The following PDE6C variants were observed in gnomAD, a reference collection of about 807,000 sequenced individuals.
PDE6C encodes phosphodiesterase 6C, also known as cone cGMP-specific 3',5'-cyclic phosphodiesterase subunit alpha'.
PDE6C carries 75 observed loss-of-function variants against 113.1 expected under a neutral mutation model. That is an observed-to-expected ratio of 0.66 (90% CI 0.55 to 0.80). The LOEUF (loss-of-function observed/expected upper bound fraction) is 0.80. Among genes scored for constraint, PDE6C ranks in the 30% least tolerant of loss-of-function variants. PDE6C has a pLI of 0.00. For missense variants in PDE6C, 912 were observed against 1,038.6 expected, an observed-to-expected ratio of 0.88 and a Z score of 1.67; for synonymous variants, 375 against 363.7, an observed-to-expected ratio of 1.03 and a Z score of -0.35.
intron 1 of PDE6C, among the ~76,000 whole-genome samples, chr10:93,617,756 G>A (rs1013987999): frequency 6.6e-6 from 1 of 152,134 alleles, no homozygotes; most frequent in East Asian, 1.9e-4. Context: ...CCTGGGCAAC[G>A]AGAGCAAAAC....
chr10:93,643,685 G>A (rs1425452476), intron 14 of PDE6C, among the ~76,000 whole-genome samples: 2 of 144,280 alleles, frequency 1.4e-5, no homozygotes, highest in Admixed American at 1.5e-4. Flanking sequence ...GCTACTGTAT[G>A]TGGCCAACTA....
intron 13 of PDE6C, 44 bp downstream of exon 13, chr10:93,640,601 C>A: frequency 1.6e-6 from 2 of 1,287,864 alleles, no homozygotes; most frequent in Non-Finnish European, 2.3e-6. Flanking sequence ...TGCAGATTTC[C>A]CATTTGAGCA....
intron 15 of PDE6C, among the ~76,000 whole-genome samples, chr10:93,651,316 C>T (rs920488430): frequency 7.9e-5 from 12 of 152,172 alleles, no homozygotes; most frequent in African/African-American, 2.7e-4. Context: ...AAAGCTACTA[C>T]CTGAGACTGG....
Position 93,665,432 on chromosome 10 carries a change from G to A in PDE6C, c.*14G>A, listed in dbSNP as rs748922976. On this transcript the variant is annotated 3_prime_UTR_variant, in exon 22 of 22. Coordinates refer to ENST00000371447, the MANE Select transcript of PDE6C (RefSeq NM_006204.4). ...TTAATGTTGTAATATTATCTAACTG[G>A]TCTAAACTTCAAATATCATTTTACC... 29 of 1,508,008 alleles carry A rather than the reference G, an allele frequency of 1.9e-5. No individual in the cohort carries two copies. The highest frequency in any genetic ancestry group is 2.6e-5 in the Non-Finnish European group (28 of 1,083,660). The allele number at this position is 1,508,008 out of a possible 1,614,324, so 93.4% of individuals were successfully genotyped here.
chr10:93,628,779 T>C (rs986138081), intron 7 of PDE6C, among the ~76,000 whole-genome samples: 1 of 152,160 alleles, frequency 6.6e-6, no homozygotes, highest in Non-Finnish European at 1.5e-5. Flanking sequence ...TAAAGTGATA[T>C]CTCTCACTGA....
intron 15 of PDE6C, 110 bp from the exon 16 acceptor site, chr10:93,655,648 AAC>A: frequency 1.5e-6 from 1 of 658,850 alleles, no homozygotes; most frequent in Admixed American, 2.4e-5. Context: ...ACAAAAAAAA[AAC>A]AAACAAAAAA....
chr10:93,644,156 A>G (rs1470593670), intron 14 of PDE6C, among the ~76,000 whole-genome samples: 2 of 152,192 alleles, frequency 1.3e-5, no homozygotes, highest in Non-Finnish European at 2.9e-5. Flanking sequence ...TACATAGATG[A>G]TGCTGTGTCC....
chr10:93,624,032 C>T (rs1390961258), intron 4 of PDE6C, among the ~76,000 whole-genome samples: 1 of 151,826 alleles, frequency 6.6e-6, no homozygotes, highest in East Asian at 1.9e-4. Context: ...ACTATATGTA[C>T]ATAGTGTCTA....
intron 3 of PDE6C, 60 bp downstream of exon 3, chr10:93,621,040 G>A: frequency 7.1e-7 from 1 of 1,401,946 alleles, no homozygotes; most frequent in South Asian, 1.2e-5. Flanking sequence ...GCCGCCCAGA[G>A]ACAACAAATT....
rs541589692 is a variant in PDE6C at position 93,645,840 on chromosome 10, C to T, written c.1848-120C>T. On this transcript the variant is annotated intron_variant, in intron 14 of 21. Transcript: ENST00000371447. ...ATCTTTTCCAATATGTTATTTTTGA[C>T]CACTTCACAGATAATTGAGTGAGGA... 53 of 690,414 alleles carry T rather than the reference C, an allele frequency of 7.7e-5. 1 individual carries two copies. Among genetic ancestry groups the T allele is most frequent in the East Asian group, 2.4e-4 (9 of 36,930 alleles). The allele number at this position is 690,414 out of a possible 1,614,324, so 42.8% of individuals were successfully genotyped here. A position where few individuals can be genotyped will look rare whatever the true frequency, so the allele number is the denominator to read the frequency against.
intron 21 of PDE6C, among the ~76,000 whole-genome samples, chr10:93,665,155 C>A (rs2058684529): frequency 6.6e-6 from 1 of 152,202 alleles, no homozygotes; most frequent in South Asian, 2.1e-4. Flanking sequence ...AGGCAGGAGC[C>A]ACTGCACCTA....
chr10:93,629,220 A>C, intron 7 of PDE6C, 38 bp from the exon 8 acceptor site: 4 of 1,535,070 alleles, frequency 2.6e-6, no homozygotes, highest in Non-Finnish European at 3.6e-6. Flanking sequence ...GCTCCACTAC[A>C]CAATATTTCA....
chr10:93,640,399 C>A (rs770858105), intron 12 of PDE6C, 51 bp from the exon 13 acceptor site: 5 of 1,441,634 alleles, frequency 3.5e-6, no homozygotes, highest in South Asian at 3.4e-5. Context: ...CACAGACCTT[C>A]TAACCTTTAG....
In PDE6C at chr10:93,633,490, A is replaced by AAAAAAAT. The variant is rs71485913; in HGVS notation, c.1120-1268_1120-1267insAAAAAAT. 7.0e-4 allele frequency among the ~76,000 whole-genome samples: 91 copies of AAAAAAAT among 129,406 alleles called. 3 individuals carry two copies. Among genetic ancestry groups the AAAAAAAT allele is most frequent in the African/African-American group, 1.9e-3 (70 of 37,090 alleles). 84.9% of individuals were successfully genotyped at this position (129,406 alleles called of 152,430 possible). ...CAAAAAAAAAAAAAAATAAAAAAAA[A>AAAAAAAT]TAAACAAGCTAAAACAAATCTGTTA... is the stretch of plus-strand genomic sequence containing the variant. On this transcript the variant is annotated intron_variant, in intron 8 of 21. Coordinates refer to ENST00000371447, the MANE Select transcript of PDE6C (RefSeq NM_006204.4).
intron 14 of PDE6C, among the ~76,000 whole-genome samples, chr10:93,644,935 A>ATACACTATATCGAT (rs1281291220): frequency 6.7e-6 from 1 of 148,772 alleles, no homozygotes; most frequent in Non-Finnish European, 1.5e-5. Context: ...GTATATATAT[A>ATACACTATATCGAT]ATGGAATATT....
intron 18 of PDE6C, among the ~76,000 whole-genome samples, chr10:93,661,509 T>C (rs1033848105): frequency 6.6e-6 from 1 of 152,218 alleles, no homozygotes; most frequent in Non-Finnish European, 1.5e-5. Flanking sequence ...TCTGAACATT[T>C]TAAAGAAAAA....
chr10:93,651,704 C>T (rs1056931608), intron 15 of PDE6C, among the ~76,000 whole-genome samples: 11 of 152,222 alleles, frequency 7.2e-5, no homozygotes, highest in Admixed American at 3.9e-4. Flanking sequence ...GCCCATGAAG[C>T]TCCAGGCCTT....
chr10:93,615,877 A>G (rs2058417305), intron 1 of PDE6C, among the ~76,000 whole-genome samples: 1 of 152,188 alleles, frequency 6.6e-6, no homozygotes, highest in African/African-American at 2.4e-5. Flanking sequence ...AGTTGAGGCC[A>G]TAGGAGTTGT....
At chr10:93,621,726 C>CT (rs2058447370) in intron 3 of PDE6C, among the ~76,000 whole-genome samples, 1 of 152,210 alleles carries the variant, frequency 6.6e-6, no homozygotes, top group Non-Finnish European at 1.5e-5. Context: ...CTCCATAGAC[C>CT]CGCAGCCTTG....
Sources: allele counts gnomAD v4.1 joint callset (sites outside exome capture counted in the v4.1 genomes callset), GRCh38; gene constraint gnomAD v4.1.1; transcripts MANE v1.5; gene names NCBI Gene and HGNC (gene_info 2026-07-23, HGNC 2026-07-21).